NPEPPS: variants seen among roughly 807,000 people sequenced by gnomAD.
The protein encoded by NPEPPS is aminopeptidase puromycin sensitive.
In NPEPPS, 14 loss-of-function variants were observed where a neutral mutation model predicts 115.5. The ratio of observed to expected loss-of-function variants is 0.12; its 90% CI spans 0.08 to 0.19. The LOEUF (loss-of-function observed/expected upper bound fraction) is 0.19. NPEPPS is among the 10% of genes least tolerant of loss of function. The pLI, the probability that NPEPPS is intolerant of heterozygous loss-of-function variation, is 1.00. For missense variants in NPEPPS, 523 were observed against 1,110.8 expected (o/e 0.47, Z 7.52); for synonymous variants, 285 against 390.6 (o/e 0.73, Z 3.19).
rs568486922 is a variant in NPEPPS, at chr17:47,600,271, AAAAT to A, written c.1600+544_1600+547del. 2.5e-3 allele frequency among the ~76,000 whole-genome samples: 379 copies of A among 152,168 alleles called. 3 individuals carry two copies. The highest frequency in any genetic ancestry group is 8.7e-3 in the African/African-American group (362 of 41,476). On this transcript the variant is annotated intron_variant, in intron 14 of 22. Coordinates refer to ENST00000322157, the MANE Select transcript of NPEPPS (RefSeq NM_006310.4). ...CAACATGGCAAAACCTCATCTCAAA[AAAAT>A]AAATAAATAAAATTAGCTTGGCATG... is the stretch of plus-strand genomic sequence containing the variant.
chr17:47,550,726 A>G (rs1385484392), intron 2 of NPEPPS, among the ~76,000 whole-genome samples: 1 of 151,094 alleles, frequency 6.6e-6, no homozygotes, highest in Non-Finnish European at 1.5e-5. Flanking sequence ...TCCCAGGTTC[A>G]AGCAATTCTC....
At chr17:47,596,327 T>G in intron 12 of NPEPPS, 26 bp from the exon 13 acceptor site, 1 of 1,338,244 alleles carries the variant, frequency 7.5e-7, no homozygotes, top group Non-Finnish European at 1.0e-6. Context: ...TATAAACATT[T>G]TAGATTATCA....
intron 3 of NPEPPS, among the ~76,000 whole-genome samples, chr17:47,572,478 TAAA>T (rs59690898): frequency 6.8e-6 from 1 of 147,756 alleles, no homozygotes; most frequent in African/African-American, 2.5e-5. Flanking sequence ...TAAAGAAAGT[TAAA>T]AAAAAAACAA....
intron 1 of NPEPPS, among the ~76,000 whole-genome samples, chr17:47,537,808 TTAAA>T (rs1156798345): frequency 6.6e-6 from 1 of 152,176 alleles, no homozygotes; most frequent in Non-Finnish European, 1.5e-5. Context: ...ATTGTTTTTT[TTAAA>T]TACTGAACTT....
chr17:47,556,737 CG>C, intron 2 of NPEPPS, among the ~76,000 whole-genome samples: 1 of 152,220 alleles, frequency 6.6e-6, no homozygotes, highest in East Asian at 1.9e-4. Flanking sequence ...CGGGACGGGG[CG>C]GCTCAAGCAA....
rs1914607900 is a variant in NPEPPS at position 47,622,063 on chromosome 17, C to T, written c.*143C>T. 1.6e-6 allele frequency: 2 copies of T among 1,286,110 alleles called. No individual in the cohort carries two copies. The highest frequency in any genetic ancestry group is 2.0e-6 in the Non-Finnish European group (2 of 1,013,920). The allele number at this position is 1,286,110 out of a possible 1,614,324, so 79.7% of individuals were successfully genotyped here. On this transcript the variant is annotated 3_prime_UTR_variant, in exon 23 of 23. Transcript: ENST00000322157. ...GGACAATGAATGTAGTTAACTGGTT[C>T]CTGCTCACACTCCAGAATTAAATTC...
intron 1 of NPEPPS, among the ~76,000 whole-genome samples, chr17:47,532,629 A>T (rs1907893744): frequency 6.9e-6 from 1 of 144,876 alleles, no homozygotes. Context: ...CCTGCATTCC[A>T]GCCTGGGCGA....
chr17:47,573,485 T>C (rs1911322423), intron 3 of NPEPPS, among the ~76,000 whole-genome samples: 1 of 152,234 alleles, frequency 6.6e-6, no homozygotes, highest in African/African-American at 2.4e-5. Context: ...TTTGATTCTT[T>C]GTAAAAGATA....
intron 1 of NPEPPS, among the ~76,000 whole-genome samples, chr17:47,538,652 C>T (rs936737735): frequency 6.6e-6 from 1 of 151,366 alleles, no homozygotes; most frequent in African/African-American, 2.4e-5. Context: ...GCCTCATCCT[C>T]CCAAGTAGCT....
intron 3 of NPEPPS, among the ~76,000 whole-genome samples, chr17:47,571,354 A>G (rs1911178750): frequency 1.3e-5 from 2 of 152,150 alleles, no homozygotes; most frequent in African/African-American, 2.4e-5. Context: ...TTATTTTTAG[A>G]AAAAATTTAA....
At chr17:47,528,188 G>A (rs1907516845), upstream of NPEPPS, among the ~76,000 whole-genome samples, 3 of 151,796 alleles carry the variant, frequency 2.0e-5, no homozygotes, top group South Asian at 6.3e-4. Flanking sequence ...TGTAATCCCA[G>A]CTACTGAGGA....
At chr17:47,547,003 A>G (rs1909263817) in intron 2 of NPEPPS, among the ~76,000 whole-genome samples, 2 of 152,126 alleles carry the variant, frequency 1.3e-5, no homozygotes, top group South Asian at 2.1e-4. Flanking sequence ...CTTCGTTTTT[A>G]TGTTTTTCTT....
chr17:47,541,973 T>C (rs1908799523), intron 1 of NPEPPS, among the ~76,000 whole-genome samples: 1 of 152,212 alleles, frequency 6.6e-6, no homozygotes, highest in African/African-American at 2.4e-5. Flanking sequence ...ATTTACTGTC[T>C]CTCATTTAGG....
intron 16 of NPEPPS, 199 bp downstream of exon 16, chr17:47,604,248 G>A (rs576415065): frequency 1.6e-4 from 68 of 415,236 alleles, no homozygotes; most frequent in African/African-American, 1.3e-3. Flanking sequence ...CTACTCCTAA[G>A]CCAGCTTTCT....
intron 14 of NPEPPS, 124 bp from the exon 15 acceptor site, chr17:47,601,484 A>C: frequency 1.0e-6 from 1 of 959,520 alleles, no homozygotes; most frequent in Admixed American, 2.2e-5. Flanking sequence ...TTCATGTACC[A>C]CTAAGAATGA....
chr17:47,530,093 A>C (rs1163002792), upstream of NPEPPS, among the ~76,000 whole-genome samples: 94 of 84,602 alleles, frequency 1.1e-3, no homozygotes, highest in African/African-American at 2.7e-3. Context: ...CCCGCCACCA[A>C]GCCCGGCTAT....
upstream of NPEPPS, among the ~76,000 whole-genome samples, chr17:47,526,769 T>C (rs1221114997): frequency 5.9e-5 from 9 of 151,550 alleles, no homozygotes; most frequent in African/African-American, 2.2e-4. Flanking sequence ...CCATCCTGGC[T>C]AACACGGTGA....
chr17:47,578,572 C>A (rs537298897), intron 3 of NPEPPS, among the ~76,000 whole-genome samples: 43 of 151,988 alleles, frequency 2.8e-4, no homozygotes, highest in Non-Finnish European at 5.6e-4. Context: ...CAAAAAAGCT[C>A]ACTTTTTTGT....
chr17:47,564,273 A>G (rs1378636607), intron 2 of NPEPPS, among the ~76,000 whole-genome samples: 1 of 152,010 alleles, frequency 6.6e-6, no homozygotes, highest in Non-Finnish European at 1.5e-5. Flanking sequence ...TACTCCTATA[A>G]TCTCAGCTAC....
Sources: allele counts gnomAD v4.1 joint callset (sites outside exome capture counted in the v4.1 genomes callset), GRCh38; gene constraint gnomAD v4.1.1; transcripts MANE v1.5; gene names NCBI Gene and HGNC (gene_info 2026-07-23, HGNC 2026-07-21).